Variants in NELL1 observed in about 807,000 individuals in gnomAD.
The protein encoded by NELL1 is protein kinase C-binding protein NELL1.
In NELL1, 76 loss-of-function variants were observed where a neutral mutation model predicts 107.4. The observed-to-expected ratio is 0.71, with a 90% CI of 0.59 to 0.86. The LOEUF (loss-of-function observed/expected upper bound fraction) is 0.86. Ranked by LOEUF, NELL1 falls within the 40% of genes least tolerant of loss-of-function variation. NELL1 has a pLI of 0.00. For synonymous variants in NELL1, 353 were observed against 341.2 expected (o/e 1.03, Z -0.38); for missense variants, 1,024 against 1,005.5 (o/e 1.02, Z -0.25).
intron 15 of NELL1, among the ~76,000 whole-genome samples, chr11:21,448,241 G>A (rs1032443754): frequency 2.6e-5 from 4 of 152,202 alleles, no homozygotes; most frequent in East Asian, 1.9e-4. Flanking sequence ...GTGTTCCTGT[G>A]GGGAGGACTA....
At chr11:20,731,456 C>A (rs533512147) in intron 2 of NELL1, among the ~76,000 whole-genome samples, 1 of 152,110 alleles carries the variant, frequency 6.6e-6, no homozygotes, top group Non-Finnish European at 1.5e-5. Flanking sequence ...TTAGAGGGGG[C>A]GTCACTGTGA....
chr11:20,999,653 C>T (rs1363932721), intron 12 of NELL1, among the ~76,000 whole-genome samples: 1 of 151,656 alleles, frequency 6.6e-6, no homozygotes, highest in Non-Finnish European at 1.5e-5. Flanking sequence ...AGTAGCCTAT[C>T]CCCTCATATG....
In NELL1 at chr11:21,386,350, G is replaced by A. The variant is rs142922252; in HGVS notation, c.1645+15402G>A. Among the ~76,000 whole-genome samples, 251 of 151,816 alleles carry A rather than the reference G, an allele frequency of 1.7e-3. 2 individuals are homozygous for A. Among genetic ancestry groups the A allele is most frequent in the African/African-American group, 5.6e-3 (233 of 41,466 alleles). ...ATAAATGAGGACATGTTGGATTTGC[G>A]TATCATGTTCTGAATGACAGAAGCA... On this transcript the variant is annotated intron_variant, in intron 15 of 19. Coordinates refer to ENST00000357134, the MANE Select transcript of NELL1 (RefSeq NM_006157.5).
At chr11:20,792,947 C>A (rs560991150) in intron 3 of NELL1, among the ~76,000 whole-genome samples, 1 of 151,876 alleles carries the variant, frequency 6.6e-6, no homozygotes, top group South Asian at 2.1e-4. Flanking sequence ...TTTTTATGTG[C>A]TAGACTATTT....
Position 21,177,774 on chromosome 11 carries a change from A to G in NELL1, c.1427-51558A>G, listed in dbSNP as rs796793954. Among the ~76,000 whole-genome samples the G allele has an allele frequency of 5.3e-5, 8 of 151,908 alleles. 1 individual carries two copies. The highest frequency in any genetic ancestry group is 1.7e-4 in the African/African-American group (7 of 41,244). On this transcript the variant is annotated intron_variant, in intron 13 of 19. Transcript: ENST00000357134. ...ATTCCCTTTTCTTCACATCCTCACC[A>G]ATACATGTTACCTTTCATTTTTTTT... is the stretch of plus-strand genomic sequence containing the variant.
At chr11:20,900,002 T>A (rs1200414133) in intron 5 of NELL1, among the ~76,000 whole-genome samples, 1 of 152,194 alleles carries the variant, frequency 6.6e-6, no homozygotes, top group Non-Finnish European at 1.5e-5. Flanking sequence ...CAAAGCTTAA[T>A]GGCTTAAAAC....
At chr11:21,404,839 T>C (rs1852196208) in intron 15 of NELL1, among the ~76,000 whole-genome samples, 1 of 151,976 alleles carries the variant, frequency 6.6e-6, no homozygotes, top group Non-Finnish European at 1.5e-5. Flanking sequence ...ATATCAGCCC[T>C]GGGGGCTTTC....
At chr11:21,111,420 G>C (rs1472847101) in intron 12 of NELL1, among the ~76,000 whole-genome samples, 2 of 152,066 alleles carry the variant, frequency 1.3e-5, no homozygotes, top group South Asian at 2.1e-4. Context: ...CATCTTTCAA[G>C]ATGAAGCGTA....
chr11:20,757,340 AC>A (rs1856319983), intron 2 of NELL1, among the ~76,000 whole-genome samples: 2 of 152,178 alleles, frequency 1.3e-5, no homozygotes, highest in South Asian at 4.2e-4. Context: ...GTATAGAGAG[AC>A]TTCTCCTGGC....
At position 21,560,178 on chromosome 11, in the gene NELL1, C is replaced by A. The variant is rs200697661; in HGVS notation, c.1787-11C>A. ...GCTAGATTCTAAGCTTCTGTGCTTC[C>A]TATATTGCAGACATTGATGAATGTG... On this transcript the variant is annotated splice_polypyrimidine_tract_variant and intron_variant, in intron 16 of 19. Transcript: ENST00000357134. 1.1e-3 allele frequency: 1,761 copies of A among 1,613,038 alleles called. 8 individuals are homozygous for A. The highest frequency in any genetic ancestry group is 3.7e-3 in the South Asian group (340 of 91,060).
intron 2 of NELL1, among the ~76,000 whole-genome samples, chr11:20,730,554 G>T (rs145275328): frequency 6.6e-6 from 1 of 152,228 alleles, no homozygotes; most frequent in Non-Finnish European, 1.5e-5. Flanking sequence ...CACACCTTGG[G>T]CTTGGCTCAT....
chr11:21,250,525 G>A (rs977451485), intron 14 of NELL1, among the ~76,000 whole-genome samples: 1 of 152,068 alleles, frequency 6.6e-6, no homozygotes, highest in Non-Finnish European at 1.5e-5. Flanking sequence ...AGCTGGATTT[G>A]AAGGCCTATA....
At chr11:20,753,484 C>A (rs1379841417) in intron 2 of NELL1, among the ~76,000 whole-genome samples, 1 of 152,122 alleles carries the variant, frequency 6.6e-6, no homozygotes, top group Admixed American at 6.5e-5. Context: ...TCAGTTTGGT[C>A]TTTGTGCCCC....
At chr11:21,056,117 G>A (rs1054306803) in intron 12 of NELL1, among the ~76,000 whole-genome samples, 1 of 152,146 alleles carries the variant, frequency 6.6e-6, no homozygotes, top group Non-Finnish European at 1.5e-5. Context: ...TGAAGTGAGA[G>A]AGGTCCAGTA....
chr11:21,546,553 A>T (rs1856448362), intron 16 of NELL1, among the ~76,000 whole-genome samples: 1 of 151,972 alleles, frequency 6.6e-6, no homozygotes, highest in African/African-American at 2.4e-5. Context: ...ATATAGAATC[A>T]GTCTCACAAG....
chr11:20,743,107 C>G (rs1036037991), intron 2 of NELL1, among the ~76,000 whole-genome samples: 2 of 152,050 alleles, frequency 1.3e-5, no homozygotes, highest in Non-Finnish European at 2.9e-5. Flanking sequence ...AATCCCAGCA[C>G]TTTGGGAGGC....
chr11:20,699,227 A>G (rs1051447344), intron 2 of NELL1, among the ~76,000 whole-genome samples: 1 of 141,774 alleles, frequency 7.1e-6, no homozygotes, highest in Non-Finnish European at 1.5e-5. Context: ...AAAAACAAAC[A>G]AAAAAAACAA....
intron 14 of NELL1, among the ~76,000 whole-genome samples, chr11:21,240,616 A>C (rs1263208146): frequency 6.6e-6 from 1 of 151,996 alleles, no homozygotes; most frequent in African/African-American, 2.4e-5. Context: ...GAACCCAGCA[A>C]TAGTACATTA....
intron 15 of NELL1, among the ~76,000 whole-genome samples, chr11:21,451,926 T>G (rs1853597766): frequency 6.6e-6 from 1 of 152,168 alleles, no homozygotes; most frequent in African/African-American, 2.4e-5. Flanking sequence ...AGTACATCAT[T>G]AAAATTGGAA....
Sources: allele counts gnomAD v4.1 joint callset (sites outside exome capture counted in the v4.1 genomes callset), GRCh38; gene constraint gnomAD v4.1.1; transcripts MANE v1.5; gene names NCBI Gene and HGNC (gene_info 2026-07-23, HGNC 2026-07-21).